ANKRD36B: variants seen among roughly 807,000 people sequenced by gnomAD.
The protein encoded by ANKRD36B is ankyrin repeat domain 36B.
ANKRD36B carries 37 observed loss-of-function variants against 135.7 expected under a neutral mutation model. That is an observed-to-expected ratio of 0.27 (90% CI 0.21 to 0.36). The LOEUF is 0.36. Among genes scored for constraint, ANKRD36B ranks in the 10% least tolerant of loss-of-function variants. ANKRD36B has a pLI of 1.00. For missense variants in ANKRD36B, 549 were observed against 1,037.1 expected, an observed-to-expected ratio of 0.53 and a Z score of 6.46; for synonymous variants, 179 against 348.1, an observed-to-expected ratio of 0.51 and a Z score of 5.41.
chr2:97,549,981 A>C (rs1004207777), intron 18 of ANKRD36B, among the ~76,000 whole-genome samples: 1 of 151,866 alleles, frequency 6.6e-6, no homozygotes. Flanking sequence ...ATGATCCCAC[A>C]TGTCTTTCAT....
At chr2:97,584,579 C>G (rs2082844602) in intron 3 of ANKRD36B, among the ~76,000 whole-genome samples, 2 of 150,664 alleles carry the variant, frequency 1.3e-5, no homozygotes, top group African/African-American at 4.9e-5. Context: ...TAAAATAAAG[C>G]CTATTTATAA....
intron 1 of ANKRD36B, among the ~76,000 whole-genome samples, chr2:97,589,157 A>C (rs1305048517): frequency 1.0e-4 from 8 of 77,074 alleles, no homozygotes; most frequent in East Asian, 5.1e-4. Context: ...CACCCCATTC[A>C]CCCCCACACC....
chr2:97,545,500 A>G (rs562740616), intron 24 of ANKRD36B, among the ~76,000 whole-genome samples, 166 bp downstream of exon 24: 1 of 96,054 alleles, frequency 1.0e-5, no homozygotes, highest in South Asian at 2.4e-4. Context: ...AGCATGGACA[A>G]GGACCACAGC....
chr2:97,551,166 T>G (rs970535310), intron 18 of ANKRD36B, 123 bp downstream of exon 18: 3 of 1,331,090 alleles, frequency 2.3e-6, no homozygotes, highest in Non-Finnish European at 3.1e-6. Flanking sequence ...TTATTAGAAA[T>G]GAAGAATCTC....
At chr2:97,553,060 G>A (rs2080203399) in intron 16 of ANKRD36B, 108 bp downstream of exon 16, 2 of 1,325,864 alleles carry the variant, frequency 1.5e-6, no homozygotes, top group Non-Finnish European at 2.1e-6. Context: ...GGATCAGAAT[G>A]TGCAGCTTCA....
intron 1 of ANKRD36B, among the ~76,000 whole-genome samples, chr2:97,587,121 T>C (rs13031930): frequency 5.9e-5 from 9 of 152,206 alleles, no homozygotes; most frequent in East Asian, 1.9e-4. Context: ...TGCAGTGAGC[T>C]GAGATCATGC....
At position 97,526,730 on chromosome 2, in the gene ANKRD36B, C is replaced by A. The variant is rs1394545513; in HGVS notation, c.2266-3263G>T. ...TTAAAGGAGCTGATGGAGCTGAAAG[C>A]GGAGGCTCGAGAACTACGTGAAGAA... On this transcript the variant is annotated intron_variant, in intron 35 of 43. Coordinates refer to ENST00000359901, the MANE Select transcript of ANKRD36B (RefSeq NM_001393939.1). Among the ~76,000 whole-genome samples the A allele has an allele frequency of 4.1e-5, 4 of 97,012 alleles. 1 individual carries two copies. The highest frequency in any genetic ancestry group is 1.1e-4 in the Non-Finnish European group (4 of 36,468). 63.6% of individuals were successfully genotyped at this position (97,012 alleles called of 152,430 possible).
At chr2:97,579,847 C>G (rs2082502619) in intron 4 of ANKRD36B, among the ~76,000 whole-genome samples, 2 of 152,132 alleles carry the variant, frequency 1.3e-5, no homozygotes, top group African/African-American at 4.8e-5. Context: ...ATGTTACTTA[C>G]ACACAACCAC....
intron 4 of ANKRD36B, among the ~76,000 whole-genome samples, chr2:97,579,398 C>A (rs1338804899): frequency 7.0e-6 from 1 of 142,168 alleles, no homozygotes; most frequent in African/African-American, 2.5e-5. Flanking sequence ...GCAAAATCAG[C>A]TGAAGGGTCA....
Position 97,529,457 on chromosome 2 carries a change from G to A in ANKRD36B, c.2265+2854C>T, listed in dbSNP as rs2078435126. Among the ~76,000 whole-genome samples the A allele has an allele frequency of 2.2e-5, 2 of 91,616 alleles. 1 individual carries two copies. The highest frequency in any genetic ancestry group is 5.0e-4 in the South Asian group (2 of 4,010). 60.1% of individuals were successfully genotyped at this position (91,616 alleles called of 152,430 possible). ...CCCACAGCCAATATCATACTGAATG[G>A]GCAAAAACTGGAAGCATTCCCTTTG... is the stretch of plus-strand genomic sequence containing the variant. On this transcript the variant is annotated intron_variant, in intron 35 of 43. Coordinates refer to ENST00000359901, the MANE Select transcript of ANKRD36B (RefSeq NM_001393939.1).
chr2:97,570,553 A>G (rs1271238535), intron 6 of ANKRD36B, among the ~76,000 whole-genome samples: 2 of 152,168 alleles, frequency 1.3e-5, no homozygotes, highest in African/African-American at 4.8e-5. Flanking sequence ...CTATGTAACT[A>G]GCTTCCATAA....
chr2:97,496,819 GTATA>G (rs374258635), intron 43 of ANKRD36B, among the ~76,000 whole-genome samples: 1 of 65,484 alleles, frequency 1.5e-5, no homozygotes, highest in Non-Finnish European at 3.8e-5. Context: ...GTGTGTGTAT[GTATA>G]TATGTGTGTG....
chr2:97,567,351 A>T (rs1280220063), intron 6 of ANKRD36B, among the ~76,000 whole-genome samples: 1 of 150,112 alleles, frequency 6.7e-6, no homozygotes, highest in Non-Finnish European at 1.5e-5. Context: ...ATGACTGATT[A>T]ATTGAACATT....
chr2:97,514,029 C>T (rs1438713719), intron 37 of ANKRD36B, among the ~76,000 whole-genome samples: 3 of 132,316 alleles, frequency 2.3e-5, no homozygotes, highest in Non-Finnish European at 4.5e-5. Flanking sequence ...AGCTGCACCC[C>T]GACCACTTCG....
chr2:97,549,237 T>C (rs1423930950), intron 20 of ANKRD36B, among the ~76,000 whole-genome samples, 182 bp downstream of exon 20: 1 of 124,104 alleles, frequency 8.1e-6, no homozygotes, highest in Non-Finnish European at 1.9e-5. Context: ...GAAGGTCATG[T>C]TCCAGACCAG....
intron 1 of ANKRD36B, 106 bp from the exon 2 acceptor site, chr2:97,585,504 C>A: frequency 6.9e-7 from 1 of 1,444,068 alleles, no homozygotes; most frequent in Non-Finnish European, 9.2e-7. Flanking sequence ...GAAGAAAGTA[C>A]AACATTTGTT....
At chr2:97,546,883 G>A (rs897908285) in intron 22 of ANKRD36B, among the ~76,000 whole-genome samples, 2 of 151,600 alleles carry the variant, frequency 1.3e-5, no homozygotes, top group African/African-American at 4.8e-5. Flanking sequence ...GTAACAAAGA[G>A]GAGTAATGAG....
At chr2:97,575,193 A>G (rs1438074647) in intron 6 of ANKRD36B, among the ~76,000 whole-genome samples, 1 of 150,600 alleles carries the variant, frequency 6.6e-6, no homozygotes, top group Non-Finnish European at 1.5e-5. Context: ...TCCTTCACCA[A>G]CTCTTTTTTT....
chr2:97,543,446 G>A (rs2442251), intron 26 of ANKRD36B, among the ~76,000 whole-genome samples: 1 of 106,310 alleles, frequency 9.4e-6, no homozygotes, highest in Non-Finnish European at 2.4e-5. Flanking sequence ...TGTGACATCT[G>A]TAAAATATAT....
Sources: allele counts gnomAD v4.1 joint callset (sites outside exome capture counted in the v4.1 genomes callset), GRCh38; gene constraint gnomAD v4.1.1; transcripts MANE v1.5; gene names NCBI Gene and HGNC (gene_info 2026-07-23, HGNC 2026-07-21).